RPS6KC1: variants seen among roughly 807,000 people sequenced by gnomAD.
The protein encoded by RPS6KC1 is inactive ribosomal protein S6 kinase delta-1.
RPS6KC1 carries 54 observed loss-of-function variants against 103.8 expected under a neutral mutation model. That is an observed-to-expected ratio of 0.52 (90% CI 0.42 to 0.65). The LOEUF is 0.65. RPS6KC1 is among the 30% of genes least tolerant of loss of function. The probability of loss-of-function intolerance (pLI) is 0.00; values close to 1 mark genes in which losing one functional copy is unlikely to be tolerated. For missense variants in RPS6KC1, 1,151 were observed against 1,253.8 expected (o/e 0.92, Z 1.24); for synonymous variants, 439 against 438.7 (o/e 1.00, Z -0.01).
chr1:213,550,465 G>A, the RPS6KC1 span, among the ~76,000 whole-genome samples: 11 of 151,838 alleles, frequency 7.2e-5, no homozygotes, highest in African/African-American at 2.7e-4. Flanking sequence ...ACATCGATTC[G>A]CTTCCCCAGT....
chr1:213,415,119 G>A, the RPS6KC1 span, among the ~76,000 whole-genome samples: 7 of 152,238 alleles, frequency 4.6e-5, no homozygotes, highest in Admixed American at 6.5e-5. Flanking sequence ...TTTACTATGA[G>A]CAAAGCTGTG....
At chr1:213,664,198 G>C in the RPS6KC1 span, among the ~76,000 whole-genome samples, 1 of 143,174 alleles carries the variant, frequency 7.0e-6, no homozygotes, top group African/African-American at 2.5e-5. Context: ...TGAGCGGGGG[G>C]GCGGGGTGGG....
intron 12 of RPS6KC1, among the ~76,000 whole-genome samples, chr1:213,244,660 A>ACAG (rs1558622785): frequency 2.0e-5 from 3 of 152,186 alleles, no homozygotes; most frequent in Non-Finnish European, 4.4e-5. Context: ...ACATTCATCA[A>ACAG]CAGATACACA....
the RPS6KC1 span, among the ~76,000 whole-genome samples, chr1:213,694,239 C>T: frequency 6.6e-6 from 1 of 152,202 alleles, no homozygotes; most frequent in Non-Finnish European, 1.5e-5. Flanking sequence ...TGAAAGGCTT[C>T]AAGCTATTGG....
chr1:213,322,178 C>T, the RPS6KC1 span, among the ~76,000 whole-genome samples: 19 of 152,188 alleles, frequency 1.2e-4, no homozygotes, highest in East Asian at 3.9e-4. Context: ...TGGTGGCACA[C>T]GCCTGTAATT....
chr1:213,308,524 CA>C, the RPS6KC1 span, among the ~76,000 whole-genome samples: 3 of 152,070 alleles, frequency 2.0e-5, no homozygotes, highest in Non-Finnish European at 4.4e-5. Flanking sequence ...ATAATATATA[CA>C]ACCATATTTG....
At chr1:213,104,216 G>A (rs371755538) in intron 3 of RPS6KC1, among the ~76,000 whole-genome samples, 12 of 152,262 alleles carry the variant, frequency 7.9e-5, no homozygotes, top group African/African-American at 2.6e-4. Context: ...AATTATGAAT[G>A]TACCATTTAT....
At chr1:213,162,315 C>T (rs752993540) in intron 6 of RPS6KC1, among the ~76,000 whole-genome samples, 8 of 152,154 alleles carry the variant, frequency 5.3e-5, no homozygotes, top group Non-Finnish European at 8.8e-5. Context: ...GTATCTCTCT[C>T]TGTTGCCCAG....
At chr1:213,350,782 G>A in the RPS6KC1 span, among the ~76,000 whole-genome samples, 5,207 of 152,028 alleles carry the variant, frequency 0.034, 293 homozygotes, top group African/African-American at 0.12. Context: ...TTACTGTATT[G>A]CCTTTTAGTT....
At chr1:213,736,941 G>A in the RPS6KC1 span, among the ~76,000 whole-genome samples, 6 of 152,200 alleles carry the variant, frequency 3.9e-5, no homozygotes, top group African/African-American at 1.4e-4. Flanking sequence ...ATTCCCCAAG[G>A]AGCTCTTTGA....
the RPS6KC1 span, among the ~76,000 whole-genome samples, chr1:213,673,955 C>T: frequency 6.6e-6 from 1 of 151,978 alleles, no homozygotes; most frequent in Admixed American, 6.6e-5. Context: ...GAGCATAGTA[C>T]CCAGTAGTTT....
At chr1:213,672,076 T>C in the RPS6KC1 span, among the ~76,000 whole-genome samples, 1 of 152,168 alleles carries the variant, frequency 6.6e-6, no homozygotes, top group East Asian at 1.9e-4. Flanking sequence ...GATAGGTTGT[T>C]CCTTCTCTTC....
At chr1:213,816,685 G>A in the RPS6KC1 span, among the ~76,000 whole-genome samples, 2 of 152,134 alleles carry the variant, frequency 1.3e-5, 1 homozygote, top group African/African-American at 4.8e-5. Context: ...TCAAATGCCC[G>A]ATGGTGACTG....
At chr1:213,658,518 A>G in the RPS6KC1 span, among the ~76,000 whole-genome samples, 5 of 152,212 alleles carry the variant, frequency 3.3e-5, no homozygotes, top group African/African-American at 1.2e-4. Flanking sequence ...AACTCAGTGT[A>G]GTGACAAATA....
the RPS6KC1 span, among the ~76,000 whole-genome samples, chr1:213,363,690 C>G: frequency 1.0e-4 from 10 of 99,902 alleles, 1 homozygote; most frequent in African/African-American, 4.3e-4. Flanking sequence ...TTCTTTCTTT[C>G]TTTCTTTCTT....
At chr1:213,248,100 A>G (rs1338155480) in intron 12 of RPS6KC1, among the ~76,000 whole-genome samples, 2 of 152,158 alleles carry the variant, frequency 1.3e-5, no homozygotes, top group Non-Finnish European at 2.9e-5. Flanking sequence ...ATTTCAGCAA[A>G]CATGAGAAAT....
the RPS6KC1 span, among the ~76,000 whole-genome samples, chr1:213,642,008 G>A: frequency 2.6e-5 from 4 of 152,010 alleles, no homozygotes; most frequent in Non-Finnish European, 5.9e-5. Context: ...GGGTGTGCAA[G>A]AGAATGAAGC....
the RPS6KC1 span, among the ~76,000 whole-genome samples, chr1:213,666,883 C>T: frequency 7.9e-5 from 12 of 152,218 alleles, no homozygotes; most frequent in African/African-American, 1.7e-4. Flanking sequence ...CGTATGTTGC[C>T]GGGAGAGGCA....
At chr1:213,080,843 G>A (rs1387208798) in intron 3 of RPS6KC1, among the ~76,000 whole-genome samples, 2 of 152,214 alleles carry the variant, frequency 1.3e-5, no homozygotes, top group Admixed American at 6.5e-5. Context: ...GGGATTATAA[G>A]CGTGAGCCAC....
Sources: gnomAD v4.1 joint callset for allele counts (sites outside exome capture counted in the v4.1 genomes callset) on GRCh38, gnomAD v4.1.1 for gene constraint, MANE v1.5 for transcripts, NCBI Gene and HGNC (gene_info 2026-07-23, HGNC 2026-07-21) for gene names.